DOCK2: variants seen among roughly 807,000 people sequenced by gnomAD.
The protein encoded by DOCK2 is dedicator of cytokinesis protein 2.
In DOCK2, 87 loss-of-function variants were observed where a neutral mutation model predicts 248.9. That is an observed-to-expected ratio of 0.35 (90% confidence interval 0.29 to 0.42). The LOEUF (loss-of-function observed/expected upper bound fraction) is 0.42, where lower values mean the gene tolerates loss of function less well. DOCK2 is among the 10% of genes least tolerant of loss of function. The pLI, the probability that DOCK2 is intolerant of heterozygous loss-of-function variation, is 1.00. For missense variants in DOCK2, 1,747 were observed against 2,300.2 expected, an observed-to-expected ratio of 0.76 and a Z score of 4.92; for synonymous variants, 805 against 821.6, an observed-to-expected ratio of 0.98 and a Z score of 0.35.
intron 27 of DOCK2, among the ~76,000 whole-genome samples, chr5:169,912,837 A>G (rs1023004602): frequency 2.6e-5 from 4 of 151,828 alleles, no homozygotes; most frequent in African/African-American, 9.7e-5. Flanking sequence ...TCTAGGAGGT[A>G]CTTCTTTTTT....
chr5:170,062,009 G>T (rs1186407592), intron 44 of DOCK2, among the ~76,000 whole-genome samples: 7 of 152,170 alleles, frequency 4.6e-5, no homozygotes, highest in African/African-American at 1.7e-4. Context: ...TTATGTGTGT[G>T]CATGCATGTG....
At chr5:169,984,234 C>G (rs1468014533) in intron 28 of DOCK2, among the ~76,000 whole-genome samples, 1 of 152,242 alleles carries the variant, frequency 6.6e-6, no homozygotes, top group East Asian at 1.9e-4. Context: ...ACCACACTAT[C>G]TCCTCATTAA....
intron 2 of DOCK2, among the ~76,000 whole-genome samples, chr5:169,660,467 A>G (rs755008674): frequency 2.8e-5 from 4 of 144,800 alleles, no homozygotes; most frequent in Non-Finnish European, 6.3e-5. Flanking sequence ...TACATACTCT[A>G]TGTACTATTC....
rs193241612 is a variant in DOCK2, at chr5:169,828,344, A to G, written c.2704-12413A>G. Among the ~76,000 whole-genome samples, 32 of 152,306 alleles carry G rather than the reference A, an allele frequency of 2.1e-4. No homozygotes were observed. The East Asian group carries it at 5.6e-3, about 27-fold the overall frequency. ...GAATTAATCCCTAAGCAGAGCGGTC[A>G]GTGAGAGTGGGCTCTGAATTCTGGC... On this transcript the variant is annotated intron_variant, in intron 26 of 51. Coordinates refer to ENST00000520908, the MANE Select transcript of DOCK2 (RefSeq NM_004946.3).
chr5:169,973,647 G>A (rs1008898463), intron 27 of DOCK2, among the ~76,000 whole-genome samples: 14 of 152,176 alleles, frequency 9.2e-5, no homozygotes, highest in Non-Finnish European at 1.6e-4. Flanking sequence ...ACATCTATGA[G>A]AAACTAGATA....
At chr5:169,867,041 C>T (rs1439903648) in intron 27 of DOCK2, among the ~76,000 whole-genome samples, 2 of 152,226 alleles carry the variant, frequency 1.3e-5, no homozygotes, top group East Asian at 1.9e-4. Flanking sequence ...CCCAAAACCC[C>T]TTCTTTGGGT....
intron 1 of DOCK2, among the ~76,000 whole-genome samples, chr5:169,650,648 C>T (rs986036763): frequency 3.3e-5 from 5 of 152,150 alleles, no homozygotes; most frequent in Admixed American, 1.3e-4. Context: ...AATAGCAGTC[C>T]GGTGGCTTGC....
At chr5:169,841,796 C>T (rs199792032) in intron 27 of DOCK2, among the ~76,000 whole-genome samples, 2 of 152,148 alleles carry the variant, frequency 1.3e-5, no homozygotes, top group Non-Finnish European at 2.9e-5. Flanking sequence ...CGGAAATATA[C>T]ATTATCTTAT....
At chr5:169,680,978 C>T (rs948652265) in intron 6 of DOCK2, among the ~76,000 whole-genome samples, 1 of 151,904 alleles carries the variant, frequency 6.6e-6, no homozygotes, top group Non-Finnish European at 1.5e-5. Context: ...CTGTATGCAT[C>T]TTTCCATGCT....
intron 44 of DOCK2, among the ~76,000 whole-genome samples, chr5:170,059,761 T>G (rs543697587): frequency 6.6e-6 from 1 of 152,342 alleles, no homozygotes; most frequent in South Asian, 2.1e-4. Flanking sequence ...TCAATCAATA[T>G]GCAGACACCC....
intron 43 of DOCK2, chr5:170,057,268 A>G: frequency 2.3e-6 from 1 of 429,814 alleles, no homozygotes; most frequent in South Asian, 2.1e-5. Context: ...TGAGAGTCTA[A>G]TGAACACTGG....
intron 1 of DOCK2, among the ~76,000 whole-genome samples, chr5:169,641,089 T>C (rs1422813): frequency 0.057 from 8,656 of 152,266 alleles, 292 homozygotes; most frequent in South Asian, 0.1. Flanking sequence ...CTTCACGTGG[T>C]ATTCTCATTG....
intron 27 of DOCK2, among the ~76,000 whole-genome samples, chr5:169,918,979 A>G (rs1775028202): frequency 6.6e-6 from 1 of 152,174 alleles, no homozygotes; most frequent in Non-Finnish European, 1.5e-5. Flanking sequence ...TGAAAAATGG[A>G]AAGACATTTA....
chr5:169,804,482 G>GTA (rs1767207560), intron 26 of DOCK2, among the ~76,000 whole-genome samples: 1 of 74,076 alleles, frequency 1.3e-5, no homozygotes, highest in South Asian at 5.4e-4. Context: ...GTGTGTGTGT[G>GTA]TGTGCGCGCG....
intron 32 of DOCK2, among the ~76,000 whole-genome samples, chr5:170,013,177 A>G (rs1353696984): frequency 6.6e-6 from 1 of 152,082 alleles, no homozygotes; most frequent in African/African-American, 2.4e-5. Flanking sequence ...TAGGGGAGCA[A>G]CCAGCCCAGC....
chr5:169,838,285 C>G (rs1173968111), intron 26 of DOCK2, among the ~76,000 whole-genome samples: 1 of 152,144 alleles, frequency 6.6e-6, no homozygotes, highest in African/African-American at 2.4e-5. Context: ...TGGAGACAGG[C>G]TGCTGGGTTG....
chr5:170,018,916 GT>G, intron 32 of DOCK2, 43 bp from the exon 33 acceptor site: 1 of 1,598,172 alleles, frequency 6.3e-7, no homozygotes. Context: ...GGACCTGTGC[GT>G]CGCCGAACTG....
intron 32 of DOCK2, among the ~76,000 whole-genome samples, chr5:170,016,553 G>A (rs1373999921): frequency 3.3e-5 from 5 of 152,170 alleles, no homozygotes; most frequent in Admixed American, 3.3e-4. Context: ...CTCTCTCTCC[G>A]CTTTCCCTAT....
At chr5:169,681,671 T>C (rs1759677614) in intron 6 of DOCK2, 73 bp from the exon 7 acceptor site, 2 of 1,567,154 alleles carry the variant, frequency 1.3e-6, no homozygotes, top group East Asian at 2.3e-5. Flanking sequence ...CTGAACTTTC[T>C]GGTAAAAAGC....
Sources: gnomAD v4.1 joint callset for allele counts (sites outside exome capture counted in the v4.1 genomes callset) on GRCh38, gnomAD v4.1.1 for gene constraint, MANE v1.5 for transcripts, NCBI Gene and HGNC (gene_info 2026-07-23, HGNC 2026-07-21) for gene names.